The following SYT14 variants were observed in gnomAD, a reference collection of about 807,000 sequenced individuals.
The protein encoded by SYT14 is synaptotagmin 14, also known as synaptotagmin-14.
Under a neutral mutation model 74.2 loss-of-function variants are expected in SYT14, and 32 were observed. That is an observed-to-expected ratio of 0.43 (90% CI 0.33 to 0.58). The LOEUF (loss-of-function observed/expected upper bound fraction) is 0.58. Ranked by LOEUF, SYT14 falls within the 20% of genes least tolerant of loss-of-function variation. SYT14 has a pLI of 0.05. For missense variants in SYT14, 791 were observed against 981.8 expected (o/e 0.81, Z 2.60); for synonymous variants, 298 against 337.7 (o/e 0.88, Z 1.29).
chr1:210,056,657 T>TAGAAAAAA (rs1319086944), intron 5 of SYT14, among the ~76,000 whole-genome samples: 1 of 25,038 alleles, frequency 4.0e-5, no homozygotes, highest in African/African-American at 4.1e-4. Flanking sequence ...CTACTAAAAA[T>TAGAAAAAA]ACAAAAAAAA....
At chr1:210,096,943 T>G (rs1329562022) in intron 6 of SYT14, among the ~76,000 whole-genome samples, 3 of 152,240 alleles carry the variant, frequency 2.0e-5, no homozygotes, top group Admixed American at 6.5e-5. Flanking sequence ...ACAAGCTGCT[T>G]CTTTACTCAC....
At chr1:210,158,462 T>G (rs1052915252) in intron 8 of SYT14, among the ~76,000 whole-genome samples, 2 of 152,200 alleles carry the variant, frequency 1.3e-5, no homozygotes, top group African/African-American at 2.4e-5. Flanking sequence ...ACTACATTTT[T>G]TTGACAAATA....
chr1:210,006,803 T>C (rs995155237), intron 2 of SYT14, among the ~76,000 whole-genome samples: 4 of 151,940 alleles, frequency 2.6e-5, no homozygotes, highest in Admixed American at 2.6e-4. Context: ...ATAGAAATAT[T>C]ATTTAGAGTA....
intron 7 of SYT14, among the ~76,000 whole-genome samples, chr1:210,134,359 A>G (rs905179700): frequency 6.6e-5 from 10 of 152,212 alleles, no homozygotes; most frequent in East Asian, 1.9e-4. Context: ...CACCCGCTTC[A>G]GCCTCCCAAA....
chr1:209,992,933 C>T (rs187114042), intron 2 of SYT14, among the ~76,000 whole-genome samples: 1 of 152,282 alleles, frequency 6.6e-6, no homozygotes, highest in East Asian at 1.9e-4. Context: ...GGACTAGTTC[C>T]TGGCCCTTAA....
At chr1:209,996,658 A>G (rs181412733) in intron 2 of SYT14, among the ~76,000 whole-genome samples, 2 of 152,262 alleles carry the variant, frequency 1.3e-5, no homozygotes, top group Non-Finnish European at 1.5e-5. Context: ...CAACAAAAAA[A>G]GAAAACTTCA....
exon 5 of SYT14, chr1:210,021,059 G>A: frequency 6.2e-7 from 1 of 1,613,892 alleles, no homozygotes; most frequent in Non-Finnish European, 8.5e-7. Flanking sequence ...CATGGACAAA[G>A]ATGAGCATGG....
At chr1:209,988,984 C>CG (rs2079618569) in intron 2 of SYT14, among the ~76,000 whole-genome samples, 1 of 152,200 alleles carries the variant, frequency 6.6e-6, no homozygotes, top group South Asian at 2.1e-4. Flanking sequence ...CCTCAACACT[C>CG]ACCTGACTGT....
chr1:210,101,692 A>T (rs1999642), intron 7 of SYT14, among the ~76,000 whole-genome samples: 3 of 150,988 alleles, frequency 2.0e-5, no homozygotes, highest in Non-Finnish European at 4.4e-5. Flanking sequence ...AATATTTCGG[A>T]GGGGGGAAGA....
At chr1:210,010,068 CTTAGT>C (rs1278261324) in intron 2 of SYT14, among the ~76,000 whole-genome samples, 1 of 152,134 alleles carries the variant, frequency 6.6e-6, no homozygotes, top group Non-Finnish European at 1.5e-5. Context: ...ACTGCTACTA[CTTAGT>C]TTAAGAACTG....
intron 2 of SYT14, among the ~76,000 whole-genome samples, chr1:209,965,362 A>G (rs1031331989): frequency 2.6e-5 from 4 of 152,174 alleles, no homozygotes; most frequent in African/African-American, 9.7e-5. Context: ...GCCTCCAACT[A>G]CATCTATATT....
chr1:210,110,275 T>TTTG (rs1285735523), intron 7 of SYT14, among the ~76,000 whole-genome samples: 2 of 151,950 alleles, frequency 1.3e-5, no homozygotes, highest in Non-Finnish European at 2.9e-5. Flanking sequence ...ATAAAAAAAA[T>TTTG]TTTTAAAAGA....
chr1:209,958,324 A>C (rs2079024273), intron 2 of SYT14, among the ~76,000 whole-genome samples: 1 of 152,076 alleles, frequency 6.6e-6, no homozygotes, highest in South Asian at 2.1e-4. Context: ...TATTAGGACA[A>C]ATTCTTCTTA....
chr1:210,010,522 C>T (rs542702933), intron 2 of SYT14, among the ~76,000 whole-genome samples: 1 of 152,226 alleles, frequency 6.6e-6, no homozygotes, highest in African/African-American at 2.4e-5. Flanking sequence ...TTTTTATACC[C>T]TACTCAAGTG....
At chr1:210,138,136 A>AT (rs1188639239) in intron 7 of SYT14, among the ~76,000 whole-genome samples, 2 of 152,226 alleles carry the variant, frequency 1.3e-5, no homozygotes, top group African/African-American at 4.8e-5. Context: ...AGGCTGGGTA[A>AT]TTTATAAAGA....
chr1:209,938,259 C>T, exon 1 of SYT14: 1 of 1,559,086 alleles, frequency 6.4e-7, no homozygotes. Flanking sequence ...CCATGGCGAG[C>T]GCATCATGGC....
intron 5 of SYT14, among the ~76,000 whole-genome samples, chr1:210,027,905 A>G (rs1314363452): frequency 6.6e-6 from 1 of 152,150 alleles, no homozygotes; most frequent in Non-Finnish European, 1.5e-5. Context: ...GTGATAAGAT[A>G]TATACATCAC....
intron 2 of SYT14, among the ~76,000 whole-genome samples, chr1:209,980,892 CTT>C (rs1248799560): frequency 6.6e-6 from 1 of 152,144 alleles, no homozygotes; most frequent in Admixed American, 6.5e-5. Flanking sequence ...CTGCCTGCAA[CTT>C]TGTTCTTTTT....
chr1:210,108,184 G>A (rs143150000), intron 7 of SYT14, among the ~76,000 whole-genome samples: 2 of 152,276 alleles, frequency 1.3e-5, no homozygotes, highest in East Asian at 1.9e-4. Flanking sequence ...AGCAGTTCTG[G>A]AAGTAGACAT....
Sources: allele counts gnomAD v4.1 joint callset (sites outside exome capture counted in the v4.1 genomes callset), GRCh38; gene constraint gnomAD v4.1.1; transcripts MANE v1.5; gene names NCBI Gene and HGNC (gene_info 2026-07-23, HGNC 2026-07-21).